NHSL1: variants seen among roughly 807,000 people sequenced by gnomAD.
NHSL1 encodes the protein NHS like 1.
NHSL1 carries 48 observed loss-of-function variants against 95.0 expected under a neutral mutation model. That is an observed-to-expected ratio of 0.51 (90% CI 0.40 to 0.64). The LOEUF is 0.64. NHSL1 is among the 30% of genes least tolerant of loss of function. The pLI, the probability that NHSL1 is intolerant of heterozygous loss-of-function variation, is 0.00. For synonymous variants in NHSL1, 783 were observed against 833.9 expected, an observed-to-expected ratio of 0.94 and a Z score of 1.05; for missense variants, 1,971 against 2,077.7, an observed-to-expected ratio of 0.95 and a Z score of 1.00.
At chr6:138,435,209 A>C (rs1348798880) in intron 5 of NHSL1, 1 of 154,840 alleles carries the variant, frequency 6.5e-6, no homozygotes, top group Admixed American at 6.5e-5. Context: ...TCGGTGTATC[A>C]GTGTATACGA....
At chr6:138,547,418 T>A (rs945909880), upstream of NHSL1, among the ~76,000 whole-genome samples, 1 of 152,182 alleles carries the variant, frequency 6.6e-6, no homozygotes, top group Admixed American at 6.5e-5. Flanking sequence ...TCTCACTCTG[T>A]TGCCCAGGCT....
chr6:138,601,124 G>C (rs573545858), intron 1 of NHSL1, among the ~76,000 whole-genome samples: 28 of 152,210 alleles, frequency 1.8e-4, no homozygotes, highest in Admixed American at 4.6e-4. Flanking sequence ...ATAAAATCTG[G>C]TTCCACTATA....
chr6:138,571,050 C>G (rs775666824), intron 1 of NHSL1, among the ~76,000 whole-genome samples: 3 of 151,698 alleles, frequency 2.0e-5, no homozygotes, highest in Non-Finnish European at 4.4e-5. Flanking sequence ...TTTTTTTCAT[C>G]TTGGAGGCAA....
chr6:138,648,365 A>AC (rs1785047025), intron 1 of NHSL1, among the ~76,000 whole-genome samples: 1 of 151,164 alleles, frequency 6.6e-6, no homozygotes, highest in South Asian at 2.1e-4. Context: ...AAAAAAAAAA[A>AC]AACAATGGAT....
rs1217775904 is a variant in NHSL1 at position 138,475,398 on chromosome 6, T to TA, written c.212-1966_212-1965insT. 2.6e-5 allele frequency among the ~76,000 whole-genome samples: 4 copies of TA among 151,900 alleles called. No homozygotes were observed. The East Asian group carries it at 5.8e-4, about 22-fold the overall frequency. Reference sequence around the variant, plus strand: ...CCATCACACCTGGCATTATTTTATTTTTTTTATTTTTTAGATACAGGGACT... The same window carrying TA: ...CCATCACACCTGGCATTATTTTATTTATTTTTATTTTTTAGATACAGGGACT... On this transcript the variant is annotated intron_variant, in intron 2 of 7. Coordinates refer to ENST00000343505, the MANE Select transcript of NHSL1 (RefSeq NM_001144060.2).
chr6:138,523,279 T>C (rs1264859114), intron 1 of NHSL1, among the ~76,000 whole-genome samples: 1 of 152,094 alleles, frequency 6.6e-6, no homozygotes, highest in African/African-American at 2.4e-5. Flanking sequence ...AGGCAGTGAA[T>C]TAAAGAGAGT....
At chr6:138,513,044 G>A (rs778209098) in intron 1 of NHSL1, among the ~76,000 whole-genome samples, 39 of 152,158 alleles carry the variant, frequency 2.6e-4, no homozygotes, top group Non-Finnish European at 4.7e-4. Context: ...TGTGCTATGT[G>A]TTCTACACAT....
chr6:138,585,223 C>A (rs1188020998), intron 1 of NHSL1, among the ~76,000 whole-genome samples: 1 of 152,078 alleles, frequency 6.6e-6, no homozygotes, highest in Non-Finnish European at 1.5e-5. Context: ...GTACAGGGAG[C>A]GAGAGGTGAG....
Position 138,453,771 on chromosome 6 carries a change from C to A in NHSL1, c.340-6578G>T, listed in dbSNP as rs117851211. ...GCACATTGCCCAGGCTGGTCTTGAA[C>A]TCCTAGGCTCAAGCCATCCTCCTGC... is the stretch of plus-strand genomic sequence containing the variant. On this transcript the variant is annotated intron_variant, in intron 3 of 7. Coordinates refer to ENST00000343505, the MANE Select transcript of NHSL1 (RefSeq NM_001144060.2). Among the ~76,000 whole-genome samples the A allele has an allele frequency of 7.7e-3, 1,172 of 151,804 alleles. 30 individuals are homozygous for A. Among genetic ancestry groups the A allele is most frequent in the East Asian group, 0.07 (357 of 5,128 alleles).
In NHSL1 at chr6:138,585,263, A is replaced by G. The variant is rs538460418; in HGVS notation, c.97-88892T>C. ...GATTGAGAGTCAGATTCCCATCAGG[A>G]AAATATTTCCCATCAGGGAGATATT... On this transcript the variant is annotated intron_variant, in intron 1 of 3. Transcript: ENST00000491526. 2.0e-5 allele frequency among the ~76,000 whole-genome samples: 3 copies of G among 152,284 alleles called. No homozygotes were observed. The South Asian group carries it at 6.2e-4, about 32-fold the overall frequency.
chr6:138,458,639 C>T (rs886553849), intron 3 of NHSL1, among the ~76,000 whole-genome samples: 1 of 151,902 alleles, frequency 6.6e-6, no homozygotes, highest in African/African-American at 2.4e-5. Context: ...CCATCCTGGC[C>T]ACATGGTGAA....
At chr6:138,666,041 C>T (rs1270159728) in intron 1 of NHSL1, among the ~76,000 whole-genome samples, 3 of 152,246 alleles carry the variant, frequency 2.0e-5, no homozygotes, top group South Asian at 2.1e-4. Context: ...CAGTGGCTCA[C>T]GCCTGCAATC....
intron 1 of NHSL1, among the ~76,000 whole-genome samples, chr6:138,613,846 G>A (rs1388861200): frequency 6.6e-6 from 1 of 152,212 alleles, no homozygotes; most frequent in East Asian, 1.9e-4. Context: ...CACATTTAGT[G>A]CAGGATGGCC....
chr6:138,635,737 T>TA (rs1299597308), intron 1 of NHSL1, among the ~76,000 whole-genome samples: 12 of 151,842 alleles, frequency 7.9e-5, no homozygotes, highest in African/African-American at 2.9e-4. Flanking sequence ...AACAAAAACA[T>TA]ACAAACAAAA....
intron 1 of NHSL1, among the ~76,000 whole-genome samples, chr6:138,610,343 G>A (rs1296391584): frequency 6.6e-6 from 1 of 151,900 alleles, no homozygotes; most frequent in African/African-American, 2.4e-5. Flanking sequence ...TGAACAATGA[G>A]AACACTTGGA....
Position 138,430,978 on chromosome 6 carries a change from T to C in NHSL1, c.3367A>G (p.Asn1123Asp). Residue 1123 changes from asparagine to aspartate, a missense_variant, in exon 6 of 8, where the codon AAT becomes GAT. Asn to Asp is a conservative substitution (Grantham distance 23). This residue lies in a region of NHSL1 where 1,602 missense variants were observed against 1,654.5 expected (regional missense o/e 0.97). Transcript: ENST00000343505. This position sits in a 1 kb window ranked among gnomAD's most constrained non-coding sequence, Gnocchi z 4.7. ...SAFLKSRNST[N>D]EMESESQPAS... ...GGCTGGCTTTCACTCTCCATTTCAT[T>C]TGTGCTATTTCGGGATTTCAGGAAA... 3 of 1,552,066 alleles carry C rather than the reference T, an allele frequency of 1.9e-6. No homozygotes were observed. Among genetic ancestry groups the C allele is most frequent in the African/African-American group, 1.4e-5 (1 of 73,158 alleles).
At chr6:138,575,570 TG>T (rs78817815), upstream of NHSL1, among the ~76,000 whole-genome samples, 4,796 of 152,336 alleles carry the variant, frequency 0.031, 103 homozygotes, top group East Asian at 0.055. Flanking sequence ...TCTGTTATAT[TG>T]GGCCTTGATT....
chr6:138,427,358 C>T (rs1025619976), intron 7 of NHSL1, among the ~76,000 whole-genome samples: 2 of 151,634 alleles, frequency 1.3e-5, no homozygotes, highest in Non-Finnish European at 2.9e-5. Flanking sequence ...GAGAATCATT[C>T]GAATCTGGGA....
At chr6:138,482,440 C>T (rs534377801) in intron 2 of NHSL1, among the ~76,000 whole-genome samples, 270 of 126,422 alleles carry the variant, frequency 2.1e-3, no homozygotes, top group Non-Finnish European at 3.5e-3. Flanking sequence ...AGCGAGACTC[C>T]GTCTCAAAAA....
Sources: allele counts gnomAD v4.1 joint callset (sites outside exome capture counted in the v4.1 genomes callset), GRCh38; gene constraint gnomAD v4.1.1; regional missense constraint gnomAD v4.1.1; non-coding constraint Gnocchi (gnomAD v3.1); transcripts MANE v1.5; gene names NCBI Gene and HGNC (gene_info 2026-07-23, HGNC 2026-07-21).